RGS19: variants seen among roughly 807,000 people sequenced by gnomAD.
RGS19 encodes G alpha interacting protein.
In RGS19, 9 loss-of-function variants were observed where a neutral mutation model predicts 22.0. The observed-to-expected ratio is 0.41, with a 90% CI of 0.25 to 0.71. The LOEUF (loss-of-function observed/expected upper bound fraction) is 0.71. RGS19 is among the 30% of genes least tolerant of loss of function. RGS19 has a pLI of 0.32. For missense variants in RGS19, 256 were observed against 307.1 expected, an observed-to-expected ratio of 0.83 and a Z score of 1.24; for synonymous variants, 130 against 127.3, an observed-to-expected ratio of 1.02 and a Z score of -0.14.
chr20:64,076,811 C>T (rs765942776), intron 2 of RGS19, 46 bp downstream of exon 2: 7 of 1,574,140 alleles, frequency 4.4e-6, no homozygotes, highest in Middle Eastern at 2.0e-4. Flanking sequence ...GCTTGCCCCA[C>T]CCCATCTCCC....
rs148266583 is a variant in RGS19, at chr20:64,075,454, C to T, written c.153-913G>A. On this transcript the variant is annotated intron_variant, in intron 3 of 5. Transcript: ENST00000395042. This position sits in a 1 kb window ranked among gnomAD's most constrained non-coding sequence, Gnocchi z 4.6. ...GGGCACTTGGATGGCTGGCAGACAT[C>T]GTGCACCCAAACGTCCTGACAGAAC... Among the ~76,000 whole-genome samples, 650 of 152,316 alleles carry T rather than the reference C, an allele frequency of 4.3e-3. 3 individuals carry two copies. The highest frequency in any genetic ancestry group is 0.014 in the African/African-American group (587 of 41,566).
At chr20:64,078,095 G>C (rs2145547602) in intron 1 of RGS19, among the ~76,000 whole-genome samples, 1 of 79,266 alleles carries the variant, frequency 1.3e-5, no homozygotes, top group South Asian at 3.8e-4. Flanking sequence ...GTTTCTGGCT[G>C]GTTGGCTTCT....
intron 3 of RGS19, 60 bp downstream of exon 3, chr20:64,076,465 G>C: frequency 6.2e-7 from 1 of 1,600,338 alleles, no homozygotes; most frequent in Admixed American, 1.7e-5. Context: ...CCCCTCCTGG[G>C]TCTGCTTGGC....
rs541898997 is a variant in RGS19 at position 64,073,553 on chromosome 20, C to T, written c.*300G>A. On this transcript the variant is annotated 3_prime_UTR_variant, in exon 6 of 6. Coordinates refer to ENST00000395042, the MANE Select transcript of RGS19 (RefSeq NM_005873.3). ...GTCCAGCATGGCTCCTGGGGGGACC[C>T]CTACTCTCACCACGCAAGAGCCCCC... is the stretch of plus-strand genomic sequence containing the variant. 8.2e-5 allele frequency: 30 copies of T among 364,954 alleles called. 1 individual carries two copies. The South Asian group carries it at 1.3e-3, about 16-fold the overall frequency. The allele number at this position is 364,954 out of a possible 1,614,324, so 22.6% of individuals were successfully genotyped here.
intron 5 of RGS19, 42 bp downstream of exon 5, chr20:64,074,102 C>G: frequency 5.6e-6 from 9 of 1,604,152 alleles, no homozygotes; most frequent in Non-Finnish European, 7.7e-6. Flanking sequence ...CACCTAGTGC[C>G]TGGAGCAGGC....
upstream of RGS19, chr20:64,079,928 G>C (rs1182153200): frequency 6.7e-6 from 1 of 148,154 alleles, no homozygotes; most frequent in Non-Finnish European, 1.5e-5. This position sits in a 1 kb window ranked among gnomAD's most constrained non-coding sequence, Gnocchi z 5.1. Context: ...CCAAGGTCCG[G>C]CCCGACAGTC....
rs1292391667 is a variant in RGS19, at chr20:64,076,894, CGGA to C, written c.-11_-9del. ...CTCATGCGGGGTGGGCATGGGTGGG[CGGA>C]GGAGGTTGCCCAGGCTCCGTGGTAC... On this transcript the variant is annotated 5_prime_UTR_variant, in exon 2 of 6. Coordinates refer to ENST00000395042, the MANE Select transcript of RGS19 (RefSeq NM_005873.3). The C allele has an allele frequency of 6.6e-7, 1 of 1,525,666 alleles. No homozygotes were observed. Among genetic ancestry groups the C allele is most frequent in the Non-Finnish European group, 8.8e-7 (1 of 1,142,538 alleles). The allele number at this position is 1,525,666 out of a possible 1,614,324, so 94.5% of individuals were successfully genotyped here. A position where few individuals can be genotyped will look rare whatever the true frequency, so the allele number is the denominator to read the frequency against.
In RGS19 at chr20:64,073,736, C is replaced by T. The variant is rs1039743337; in HGVS notation, c.*117G>A. On this transcript the variant is annotated 3_prime_UTR_variant, in exon 6 of 6. Coordinates refer to ENST00000395042, the MANE Select transcript of RGS19 (RefSeq NM_005873.3). ...CCCACTGGGTCTAGGACCGTCTCCG[C>T]GGGTGGGGACCCCAGCCGGCCAGGC... 1.5e-5 allele frequency: 14 copies of T among 907,704 alleles called. No individual in the cohort carries two copies. The highest frequency in any genetic ancestry group is 8.3e-5 in the South Asian group (5 of 60,228). The allele number at this position is 907,704 out of a possible 1,614,324, so 56.2% of individuals were successfully genotyped here. A position where few individuals can be genotyped will look rare whatever the true frequency, so the allele number is the denominator to read the frequency against.
intron 1 of RGS19, 148 bp from the exon 2 acceptor site, chr20:64,077,102 A>C: frequency 2.2e-6 from 1 of 453,356 alleles, no homozygotes; most frequent in Non-Finnish European, 3.9e-6. Flanking sequence ...CCCCGACCCC[A>C]AGCTTACAGC....
rs1189258559 is a variant in RGS19 at position 64,075,937 on chromosome 20, A to G, written c.152+588T>C. 2.0e-5 allele frequency among the ~76,000 whole-genome samples: 3 copies of G among 150,744 alleles called. No homozygotes were observed. Among genetic ancestry groups the G allele is most frequent in the Non-Finnish European group, 4.4e-5 (3 of 67,784 alleles). On this transcript the variant is annotated intron_variant, in intron 3 of 5. Transcript: ENST00000395042. The surrounding 1 kb of genome is among the most constrained non-coding windows in gnomAD (Gnocchi z 4.6). The stretch of plus-strand genomic sequence containing the variant: ...GCTCTTGTTGCCCAGGCTGGAGTGC[A>G]ATGACGCGATCTCGGCTCAACGCAA...
At chr20:64,076,783 G>T in intron 2 of RGS19, 74 bp downstream of exon 2, 1 of 1,554,344 alleles carries the variant, frequency 6.4e-7, no homozygotes, top group Non-Finnish European at 8.7e-7. Context: ...GGATCTCCCA[G>T]CTCCTTGTGG....
chr20:64,079,104 G>T lies in RGS19; in HGVS notation c.-69+190C>A, dbSNP rs2059936166. ...CTGCCACCCTCCACATCTGGCTGGT[G>T]GGCGAGCCCTGGCCTGGCCCCTCCA... On this transcript the variant is annotated intron_variant, in intron 1 of 5. Coordinates refer to ENST00000395042, the MANE Select transcript of RGS19 (RefSeq NM_005873.3). The surrounding 1 kb of genome is among the most constrained non-coding windows in gnomAD (Gnocchi z 5.1). Among the ~76,000 whole-genome samples, 1 of 152,104 alleles carries T rather than the reference G, an allele frequency of 6.6e-6. No homozygotes were observed. Among genetic ancestry groups the T allele is most frequent in the South Asian group, 2.1e-4 (1 of 4,834 alleles).
chr20:64,074,293 G>T lies in RGS19; in HGVS notation c.313C>A (p.Arg105=), dbSNP rs372871205. ...CTGTACTCTGTCCGCAGGAACGCCC[G>T]GAACACGCTGCGTCCCGCTGGGCTG... ...MHSPAGRSVF[R]AFLRTEYSEE... is the part of the protein sequence containing the mutation. The change falls in exon 5 of 6, where the codon CGG becomes AGG. Residue 105 remains arginine, a synonymous_variant. Transcript: ENST00000395042. 1.2e-6 allele frequency: 2 copies of T among 1,613,102 alleles called. No homozygotes were observed. Among genetic ancestry groups the T allele is most frequent in the Non-Finnish European group, 1.7e-6 (2 of 1,180,024 alleles).
rs1486308044 is a variant in RGS19, at chr20:64,075,164, A to T, written c.153-623T>A. Among the ~76,000 whole-genome samples, 2 of 112,484 alleles carry T rather than the reference A, an allele frequency of 1.8e-5. No homozygotes were observed. The highest frequency in any genetic ancestry group is 6.3e-5 in the African/African-American group (2 of 31,592). The allele number at this position is 112,484 out of a possible 152,430, so 73.8% of individuals were successfully genotyped here. On this transcript the variant is annotated intron_variant, in intron 3 of 5. Transcript: ENST00000395042. This position sits in a 1 kb window ranked among gnomAD's most constrained non-coding sequence, Gnocchi z 4.6. Reference sequence around the variant, plus strand: ...CCTGGGAACAGGGCCACCCATGGGAATGTGCCTGGGAACAGGGCCACCCTG... The same window carrying T: ...CCTGGGAACAGGGCCACCCATGGGATTGTGCCTGGGAACAGGGCCACCCTG...
chr20:64,077,388 T>A lies in RGS19; in HGVS notation c.-68-434A>T, dbSNP rs368047078. ...TGTCTGGGGTGGGGAGTGGGCAGAGTGGCTTCCCACCAAGAGTCCAGGTCT... is the reference window on the plus strand; with the variant it reads ...TGTCTGGGGTGGGGAGTGGGCAGAGAGGCTTCCCACCAAGAGTCCAGGTCT... On this transcript the variant is annotated intron_variant, in intron 1 of 5. Coordinates refer to ENST00000395042, the MANE Select transcript of RGS19 (RefSeq NM_005873.3). Among the ~76,000 whole-genome samples, 372 of 150,538 alleles carry A rather than the reference T, an allele frequency of 2.5e-3. 17 individuals carry two copies. The South Asian group carries it at 0.063, about 25-fold the overall frequency.
chr20:64,077,253 C>G (rs1189734920), intron 1 of RGS19, among the ~76,000 whole-genome samples: 2 of 152,160 alleles, frequency 1.3e-5, no homozygotes, highest in Admixed American at 6.5e-5. Flanking sequence ...AAGCCGGAAG[C>G]CTGGGTTCCT....
In RGS19 at chr20:64,079,145, C is replaced by A. The variant is rs1207274637; in HGVS notation, c.-69+149G>T. 1 of 152,210 alleles carries A rather than the reference C, an allele frequency of 6.6e-6. No homozygotes were observed. Among genetic ancestry groups the A allele is most frequent in the Non-Finnish European group, 1.5e-5 (1 of 68,080 alleles). 9.4% of individuals were successfully genotyped at this position (152,210 alleles called of 1,614,324 possible). ...GGCCCCTCCAGGGAAGGCCAGCTCT[C>A]CCCACCTCTGAAATGGTGGTGGTGG... On this transcript the variant is annotated intron_variant, in intron 1 of 5. Transcript: ENST00000395042. The surrounding 1 kb of genome is among the most constrained non-coding windows in gnomAD (Gnocchi z 5.1).
chr20:64,076,496 G>A (rs754139796), intron 3 of RGS19, 29 bp downstream of exon 3: 7 of 1,611,528 alleles, frequency 4.3e-6, no homozygotes, highest in South Asian at 2.2e-5. Flanking sequence ...CGACCCCCTC[G>A]CCAGCTGGGC....
chr20:64,078,631 C>T (rs533258950), intron 1 of RGS19, among the ~76,000 whole-genome samples: 4 of 152,208 alleles, frequency 2.6e-5, no homozygotes, highest in African/African-American at 9.6e-5. Context: ...GGAGCCAGCC[C>T]CTTCTTTCCC....
Sources: gnomAD v4.1 joint callset for allele counts (sites outside exome capture counted in the v4.1 genomes callset) on GRCh38, gnomAD v4.1.1 for gene constraint, Gnocchi (gnomAD v3.1) non-coding constraint, MANE v1.5 for transcripts, NCBI Gene and HGNC (gene_info 2026-07-23, HGNC 2026-07-21) for gene names.